CENPP: variants seen among roughly 807,000 people sequenced by gnomAD.
The protein encoded by CENPP is centromere protein P.
A neutral mutation model predicts 35.6 loss-of-function variants in CENPP; 24 were observed. The ratio of observed to expected loss-of-function variants is 0.67; its 90% CI spans 0.49 to 0.95. The LOEUF is 0.95. Among genes scored for constraint, CENPP ranks in the 40% least tolerant of loss-of-function variants. CENPP has a pLI of 0.00. For missense variants in CENPP, 332 were observed against 345.3 expected (o/e 0.96, Z 0.31); for synonymous variants, 120 against 125.5 (o/e 0.96, Z 0.29).
At chr9:92,488,810 G>A (rs1483765598) in intron 5 of CENPP, among the ~76,000 whole-genome samples, 4 of 152,032 alleles carry the variant, frequency 2.6e-5, no homozygotes, top group African/African-American at 9.7e-5. Context: ...AAACACACCA[G>A]GACATTTTAA....
At chr9:92,599,342 C>A (rs146269082) in intron 5 of CENPP, among the ~76,000 whole-genome samples, 62 of 152,286 alleles carry the variant, frequency 4.1e-4, no homozygotes, top group African/African-American at 1.4e-3. Flanking sequence ...CCGACACCAG[C>A]CCCTGGCTAG....
At chr9:92,423,537 C>A (rs1843876982) in intron 5 of CENPP, among the ~76,000 whole-genome samples, 1 of 151,530 alleles carries the variant, frequency 6.6e-6, no homozygotes, top group Non-Finnish European at 1.5e-5. Context: ...TAGATTTTTC[C>A]AAAAAAGTTC....
At chr9:92,465,846 T>A (rs538372241) in intron 5 of CENPP, among the ~76,000 whole-genome samples, 5 of 152,060 alleles carry the variant, frequency 3.3e-5, no homozygotes, top group African/African-American at 9.6e-5. Flanking sequence ...CTTTTTTTTT[T>A]TTTTGAGATG....
At position 92,416,103 on chromosome 9, in the gene CENPP, ATTTTT is replaced by A. The variant is rs1196539814; in HGVS notation, c.564+36254_564+36258del. On this transcript the variant is annotated intron_variant, in intron 5 of 7. Coordinates refer to ENST00000375587, the MANE Select transcript of CENPP (RefSeq NM_001012267.3). ...ATTTATTTATTTATTTATTTATTTT[ATTTTT>A]TTTTTTTTTAAGACAGAGTTTTGCT... 3.6e-3 allele frequency among the ~76,000 whole-genome samples: 465 copies of A among 128,482 alleles called. 5 individuals are homozygous for A. Among genetic ancestry groups the A allele is most frequent in the Non-Finnish European group, 6.5e-3 (385 of 59,054 alleles). 84.3% of individuals were successfully genotyped at this position (128,482 alleles called of 152,430 possible). A position where few individuals can be genotyped will look rare whatever the true frequency, so the allele number is the denominator to read the frequency against.
chr9:92,505,877 C>A (rs926094385), intron 5 of CENPP, among the ~76,000 whole-genome samples: 2 of 151,922 alleles, frequency 1.3e-5, no homozygotes, highest in African/African-American at 2.4e-5. Flanking sequence ...CTCAATTCAA[C>A]CAGAACTAAA....
At chr9:92,502,498 G>T (rs768577080) in intron 5 of CENPP, 1 of 1,609,716 alleles carries the variant, frequency 6.2e-7, no homozygotes, top group Admixed American at 1.7e-5. Context: ...AATTTAAATT[G>T]TAGCATGTAC....
intron 5 of CENPP, among the ~76,000 whole-genome samples, chr9:92,546,706 G>A (rs1347486894): frequency 6.6e-6 from 1 of 152,158 alleles, no homozygotes; most frequent in Non-Finnish European, 1.5e-5. Flanking sequence ...TGAAGTCAGT[G>A]AGACCAAGAA....
intron 5 of CENPP, among the ~76,000 whole-genome samples, chr9:92,455,899 G>A (rs969113775): frequency 4.6e-5 from 7 of 152,016 alleles, no homozygotes; most frequent in Non-Finnish European, 8.8e-5. Flanking sequence ...GTGAAACCCC[G>A]TCTCTACTAA....
At chr9:92,538,804 G>A (rs865937910) in intron 5 of CENPP, among the ~76,000 whole-genome samples, 6 of 152,326 alleles carry the variant, frequency 3.9e-5, no homozygotes, top group Middle Eastern at 6.8e-3. Flanking sequence ...CAAACAACAT[G>A]AGCAGAGTGA....
chr9:92,396,653 C>T (rs1842905189), intron 5 of CENPP, among the ~76,000 whole-genome samples: 1 of 151,390 alleles, frequency 6.6e-6, no homozygotes, highest in South Asian at 2.1e-4. Context: ...AAACCTCGAC[C>T]TCCTGGGCTC....
chr9:92,412,115 T>A (rs1450063982), intron 5 of CENPP, among the ~76,000 whole-genome samples: 3 of 151,950 alleles, frequency 2.0e-5, no homozygotes, highest in Non-Finnish European at 4.4e-5. Flanking sequence ...AGAGACGGGG[T>A]CTCACTCTAT....
intron 5 of CENPP, chr9:92,494,198 G>C: frequency 3.8e-6 from 6 of 1,564,344 alleles, no homozygotes; most frequent in Non-Finnish European, 5.2e-6. Flanking sequence ...TTTAGTATCT[G>C]TCTCTGTGTC....
At chr9:92,528,220 C>A (rs1370081109) in intron 5 of CENPP, among the ~76,000 whole-genome samples, 1 of 152,160 alleles carries the variant, frequency 6.6e-6, no homozygotes, top group Non-Finnish European at 1.5e-5. Context: ...AAAGAGCAGT[C>A]CAGGCCAGTG....
At chr9:92,611,489 C>G (rs564307190) in intron 6 of CENPP, 96 bp downstream of exon 6, 5 of 939,374 alleles carry the variant, frequency 5.3e-6, no homozygotes, top group Non-Finnish European at 8.0e-6. Context: ...AGTAAACTAC[C>G]TAACCAAGAA....
intron 5 of CENPP, among the ~76,000 whole-genome samples, chr9:92,493,171 G>A (rs1392511113): frequency 1.3e-5 from 2 of 152,178 alleles, no homozygotes; most frequent in Non-Finnish European, 2.9e-5. Context: ...AGAAGAAAAG[G>A]GGGATGGGAG....
intron 5 of CENPP, among the ~76,000 whole-genome samples, chr9:92,406,548 C>T (rs1461930106): frequency 1.3e-5 from 2 of 152,106 alleles, no homozygotes; most frequent in Non-Finnish European, 2.9e-5. Flanking sequence ...AAATAACACA[C>T]ATTTATTATC....
At chr9:92,551,443 T>A (rs1849585032) in intron 5 of CENPP, among the ~76,000 whole-genome samples, 1 of 152,098 alleles carries the variant, frequency 6.6e-6, no homozygotes, top group South Asian at 2.1e-4. Flanking sequence ...GCTCAAACAA[T>A]CCTCCCACCT....
chr9:92,483,052 G>A (rs559130639), intron 5 of CENPP, among the ~76,000 whole-genome samples: 1 of 152,114 alleles, frequency 6.6e-6, no homozygotes, highest in South Asian at 2.1e-4. Context: ...CTCTTAGGAT[G>A]CATACAACTT....
At chr9:92,417,324 C>T in intron 5 of CENPP, 6 of 1,614,064 alleles carry the variant, frequency 3.7e-6, no homozygotes, top group Non-Finnish European at 5.1e-6. Context: ...TTGCGATTAT[C>T]ACAGTACATT....
Sources: allele counts gnomAD v4.1 joint callset (sites outside exome capture counted in the v4.1 genomes callset), GRCh38; gene constraint gnomAD v4.1.1; transcripts MANE v1.5; gene names NCBI Gene and HGNC (gene_info 2026-07-23, HGNC 2026-07-21).